The following MTSS1 variants were observed in gnomAD, a reference collection of about 807,000 sequenced individuals.
MTSS1 encodes MTSS I-BAR domain containing 1, also known as protein MTSS 1.
A neutral mutation model predicts 79.0 loss-of-function variants in MTSS1; 18 were observed. The observed-to-expected ratio is 0.23, with a 90% CI of 0.16 to 0.34. The LOEUF (loss-of-function observed/expected upper bound fraction) is 0.34. Ranked by LOEUF, MTSS1 falls within the 10% of genes least tolerant of loss-of-function variation. The pLI is 1.00. For missense variants in MTSS1, 815 were observed against 986.2 expected (o/e 0.83, Z 2.33); for synonymous variants, 341 against 368.6 (o/e 0.93, Z 0.86).
At chr8:124,599,830 A>G (rs532642078) in intron 3 of MTSS1, among the ~76,000 whole-genome samples, 29 of 152,280 alleles carry the variant, frequency 1.9e-4, no homozygotes, top group African/African-American at 6.7e-4. Flanking sequence ...CAGTAGCAAC[A>G]GTGTCTCTCA....
chr8:124,617,325 G>A lies in MTSS1; in HGVS notation c.209-26090C>T, dbSNP rs182103191. ...AGATCAAGGACCCACCAGAGAGCCC[G>A]CTGGGTCCCAGGGGGCTCCCATTCA... On this transcript the variant is annotated intron_variant, in intron 3 of 13. Coordinates refer to ENST00000518547, the MANE Select transcript of MTSS1 (RefSeq NM_014751.6). Among the ~76,000 whole-genome samples the A allele has an allele frequency of 4.3e-3, 654 of 152,268 alleles. 2 individuals carry two copies. The highest frequency in any genetic ancestry group is 0.015 in the African/African-American group (635 of 41,546).
chr8:124,567,266 A>C, intron 7 of MTSS1, 88 bp from the exon 8 acceptor site: 1 of 1,117,572 alleles, frequency 8.9e-7, no homozygotes, highest in Non-Finnish European at 1.3e-6. Flanking sequence ...GGGTCTCTGT[A>C]TAACCCTTTC....
intron 10 of MTSS1, among the ~76,000 whole-genome samples, chr8:124,558,289 C>T (rs529488454): frequency 1.9e-4 from 29 of 148,772 alleles, no homozygotes; most frequent in Non-Finnish European, 2.7e-4. Flanking sequence ...CCAAAATCAT[C>T]GCATTGCTCA....
At chr8:124,595,822 C>G (rs930773744) in intron 3 of MTSS1, among the ~76,000 whole-genome samples, 2 of 152,180 alleles carry the variant, frequency 1.3e-5, no homozygotes, top group Non-Finnish European at 2.9e-5. Flanking sequence ...CTGTGGCTGA[C>G]TGCAGCACCC....
intron 3 of MTSS1, among the ~76,000 whole-genome samples, chr8:124,609,803 A>G (rs571925289): frequency 6.6e-6 from 1 of 152,324 alleles, no homozygotes; most frequent in East Asian, 1.9e-4. Flanking sequence ...ATGTTTGTAG[A>G]TAAAGGGGAA....
chr8:124,714,577 C>T (rs562576308), intron 1 of MTSS1, among the ~76,000 whole-genome samples: 1 of 152,198 alleles, frequency 6.6e-6, no homozygotes, highest in East Asian at 1.9e-4. Flanking sequence ...ATCTTCCTGC[C>T]CCAGCCTCTG....
At chr8:124,555,998 G>A in intron 12 of MTSS1, 94 bp from the exon 13 acceptor site, 1 of 1,557,184 alleles carries the variant, frequency 6.4e-7, no homozygotes. Context: ...ATGTCTGTGG[G>A]GCCAGGGGGC....
rs1199637630 is a variant in MTSS1 at position 124,567,057 on chromosome 8, C to G, written c.726+14G>C. On this transcript the variant is annotated intron_variant, in intron 8 of 13. Transcript: ENST00000518547. ...TTGGTTTGATCCTGTAAGTGCTTAA[C>G]CCCTGAAGCCTACCTGTTCACTTGA... The G allele has an allele frequency of 2.5e-6, 4 of 1,589,858 alleles. No individual in the cohort carries two copies. The highest frequency in any genetic ancestry group is 3.5e-6 in the Non-Finnish European group (4 of 1,158,080).
chr8:124,561,869 T>C (rs1158324240), intron 10 of MTSS1, among the ~76,000 whole-genome samples: 20 of 152,140 alleles, frequency 1.3e-4, no homozygotes, highest in Non-Finnish European at 1.0e-4. Flanking sequence ...CCGTGGCTCT[T>C]GGCTCTGAGT....
intron 3 of MTSS1, among the ~76,000 whole-genome samples, chr8:124,629,801 C>A (rs1480560870): frequency 3.3e-5 from 5 of 152,222 alleles, no homozygotes; most frequent in Non-Finnish European, 7.3e-5. Flanking sequence ...CCACCCCCCT[C>A]CATCTGGGAA....
intron 1 of MTSS1, among the ~76,000 whole-genome samples, chr8:124,713,687 G>C (rs1012954863): frequency 1.3e-5 from 2 of 152,086 alleles, no homozygotes; most frequent in African/African-American, 4.8e-5. Flanking sequence ...GCCTCCCAAA[G>C]AGCTGGGATT....
chr8:124,653,767 A>G (rs1041197922), intron 3 of MTSS1, among the ~76,000 whole-genome samples: 25 of 152,288 alleles, frequency 1.6e-4, no homozygotes, highest in African/African-American at 6.0e-4. Flanking sequence ...TAAAACAGGG[A>G]TTCATAACAT....
chr8:124,639,477 G>T (rs1817627450), intron 3 of MTSS1, among the ~76,000 whole-genome samples: 1 of 151,866 alleles, frequency 6.6e-6, no homozygotes. Flanking sequence ...ACCTTACTTA[G>T]ATTTTTTTTT....
chr8:124,709,082 G>T (rs1237753260), intron 1 of MTSS1, among the ~76,000 whole-genome samples: 1 of 152,130 alleles, frequency 6.6e-6, no homozygotes, highest in African/African-American at 2.4e-5. Flanking sequence ...CAAGCTTAGA[G>T]GAAGTAAGAA....
chr8:124,695,787 T>C (rs1828708233), intron 3 of MTSS1, among the ~76,000 whole-genome samples: 1 of 151,734 alleles, frequency 6.6e-6, no homozygotes, highest in African/African-American at 2.4e-5. Context: ...CAATGTTTCT[T>C]AGGGGCTACC....
In MTSS1 at chr8:124,553,061, G is replaced by T. The variant is rs146404944; in HGVS notation, c.2199C>A (p.Asn733Lys). ...TCAGTTTCACGCCCCTTCGGATGGC[G>T]TTCAGCATGTCTTCTCCTTGTGGAG... Reference protein sequence around the residue: ...RDTPQGEDMLNAIRRGVKLKK... With the variant: ...RDTPQGEDMLKAIRRGVKLKK... The change falls in exon 14 of 14, where the codon AAC (asparagine) becomes AAA (lysine). Residue 733 changes from asparagine (N) to lysine (K), a missense_variant. This residue lies in a region of MTSS1 where 590 missense variants were observed against 620.8 expected (regional missense o/e 0.95). Coordinates refer to ENST00000518547, the MANE Select transcript of MTSS1 (RefSeq NM_014751.6). This position sits in a 1 kb window ranked among gnomAD's most constrained non-coding sequence, Gnocchi z 6.0. 1 of 1,614,138 alleles carries T rather than the reference G, an allele frequency of 6.2e-7. No individual in the cohort carries two copies. The highest frequency in any genetic ancestry group is 1.3e-5 in the African/African-American group (1 of 75,008).
At chr8:124,587,152 T>G (rs1296834535) in intron 5 of MTSS1, among the ~76,000 whole-genome samples, 1 of 152,132 alleles carries the variant, frequency 6.6e-6, no homozygotes, top group Non-Finnish European at 1.5e-5. Context: ...GGAGAGCAGG[T>G]TCCCTGAGGG....
Position 124,711,295 on chromosome 8 carries a change from G to A in MTSS1, c.73-7104C>T, listed in dbSNP as rs530187821. 5.3e-5 allele frequency among the ~76,000 whole-genome samples: 8 copies of A among 152,312 alleles called. No individual in the cohort carries two copies. In the South Asian group the frequency reaches 1.7e-3, roughly 32 times the overall value. ...TCCTGGTCCACAGACCACTCTCTAA[G>A]GAGCCCAGCTTGATCCTGCATTCTC... is the stretch of plus-strand genomic sequence containing the variant. On this transcript the variant is annotated intron_variant, in intron 1 of 13. Coordinates refer to ENST00000518547, the MANE Select transcript of MTSS1 (RefSeq NM_014751.6).
At chr8:124,591,778 G>T (rs61283370) in intron 3 of MTSS1, among the ~76,000 whole-genome samples, 4,017 of 152,062 alleles carry the variant, frequency 0.026, 181 homozygotes, top group African/African-American at 0.091. Context: ...GCAAAATGAG[G>T]TAATAGGACT....
Sources: allele counts gnomAD v4.1 joint callset (sites outside exome capture counted in the v4.1 genomes callset), GRCh38; gene constraint gnomAD v4.1.1; regional missense constraint gnomAD v4.1.1; non-coding constraint Gnocchi (gnomAD v3.1); transcripts MANE v1.5; gene names NCBI Gene and HGNC (gene_info 2026-07-23, HGNC 2026-07-21).